Variants in SMIM7 observed in about 807,000 individuals in gnomAD.
The protein encoded by SMIM7 is small integral membrane protein 7.
In SMIM7, 12 loss-of-function variants were observed where a neutral mutation model predicts 13.3. That is an observed-to-expected ratio of 0.90 (90% CI 0.58 to 1.46). SMIM7 has a LOEUF of 1.46. SMIM7 is among the 40% of genes most tolerant of loss of function. The pLI, the probability that SMIM7 is intolerant of heterozygous loss-of-function variation, is 0.00. For synonymous variants in SMIM7, 36 were observed against 35.8 expected, an observed-to-expected ratio of 1.01 and a Z score of -0.02; for missense variants, 114 against 94.8, an observed-to-expected ratio of 1.20 and a Z score of -0.84.
At chr19:16,659,533 C>CT in intron 2 of SMIM7, 86 bp from the exon 3 acceptor site, 1 of 1,395,604 alleles carries the variant, frequency 7.2e-7, no homozygotes, top group Non-Finnish European at 9.9e-7. Context: ...GCCACAAACA[C>CT]TAAGTTTCAG....
At chr19:16,647,735 C>T (rs935864036) in intron 4 of SMIM7, among the ~76,000 whole-genome samples, 1 of 152,038 alleles carries the variant, frequency 6.6e-6, no homozygotes, top group Non-Finnish European at 1.5e-5. Flanking sequence ...GGATTACAGG[C>T]GTGAGCCACT....
At chr19:16,643,626 G>A (rs1441913846), downstream of SMIM7, among the ~76,000 whole-genome samples, 6 of 151,922 alleles carry the variant, frequency 3.9e-5, no homozygotes, top group Non-Finnish European at 8.8e-5. Flanking sequence ...TGAACTCCTG[G>A]CCTCAAGTGA....
chr19:16,647,955 T>C (rs1339143978), intron 4 of SMIM7, among the ~76,000 whole-genome samples: 1 of 152,164 alleles, frequency 6.6e-6, no homozygotes, highest in African/African-American at 2.4e-5. Flanking sequence ...CTTTATGTCA[T>C]ATAAAAAAAT....
At chr19:16,649,344 G>GAT (rs1226720179) in intron 4 of SMIM7, among the ~76,000 whole-genome samples, 1 of 152,120 alleles carries the variant, frequency 6.6e-6, no homozygotes, top group Non-Finnish European at 1.5e-5. Flanking sequence ...TTGGGAGGCC[G>GAT]ATGTGGGTGG....
At chr19:16,659,860 C>G (rs967797252) in intron 2 of SMIM7, 99 bp downstream of exon 2, 6 of 1,491,950 alleles carry the variant, frequency 4.0e-6, no homozygotes, top group African/African-American at 2.8e-5. Context: ...GGGCCTGCGG[C>G]TTGGGGGCGG....
At position 16,646,750 on chromosome 19, in the gene SMIM7, C is replaced by T. The variant is rs2086453411; in HGVS notation, c.*496G>A. ...GTGTCTCTGTTACAGGTGGCCCGTTCCTTAAAGCCTTTAGGGTTAATCGCA... is the reference window on the plus strand; with the variant it reads ...GTGTCTCTGTTACAGGTGGCCCGTTTCTTAAAGCCTTTAGGGTTAATCGCA... On this transcript the variant is annotated 3_prime_UTR_variant, in exon 5 of 5. Transcript: ENST00000487416. The T allele has an allele frequency of 6.0e-6, 1 of 166,170 alleles. No homozygotes were observed. Among genetic ancestry groups the T allele is most frequent in the African/African-American group, 2.4e-5 (1 of 41,690 alleles). 10.3% of individuals were successfully genotyped at this position (166,170 alleles called of 1,614,324 possible).
At chr19:16,650,351 G>A (rs2086508447) in intron 4 of SMIM7, among the ~76,000 whole-genome samples, 1 of 152,178 alleles carries the variant, frequency 6.6e-6, no homozygotes, top group Non-Finnish European at 1.5e-5. Flanking sequence ...ACTCAGGGAC[G>A]TTTCTCCCCT....
At chr19:16,644,278 A>G (rs575292551), downstream of SMIM7, among the ~76,000 whole-genome samples, 4 of 150,304 alleles carry the variant, frequency 2.7e-5, no homozygotes, top group East Asian at 5.9e-4. Context: ...ACGCCACCAC[A>G]CCTGGCTAAT....
At chr19:16,660,053 C>T (rs748254028) in intron 1 of SMIM7, 32 bp downstream of exon 1, 1 of 1,614,200 alleles carries the variant, frequency 6.2e-7, no homozygotes, top group Non-Finnish European at 8.5e-7. Context: ...CTGCCTGGCT[C>T]TCTCTTCCCA....
chr19:16,658,254 C>A (rs2086622381), intron 3 of SMIM7, among the ~76,000 whole-genome samples: 1 of 152,210 alleles, frequency 6.6e-6, no homozygotes, highest in East Asian at 1.9e-4. Flanking sequence ...ATGTGTCCCA[C>A]CCCATGGTAA....
intron 4 of SMIM7, among the ~76,000 whole-genome samples, chr19:16,632,466 T>TTTAA (rs1279470438): frequency 6.6e-6 from 1 of 151,980 alleles, no homozygotes; most frequent in Non-Finnish European, 1.5e-5. Context: ...AATACAATAC[T>TTTAA]TTAATTGCAC....
intron 4 of SMIM7, chr19:16,652,636 G>T: frequency 7.5e-7 from 1 of 1,339,708 alleles, no homozygotes; most frequent in Non-Finnish European, 9.6e-7. Context: ...AATACATCAC[G>T]GTCCTTGTGA....
chr19:16,637,944 A>C (rs1299131031), intron 4 of SMIM7, among the ~76,000 whole-genome samples: 3 of 152,154 alleles, frequency 2.0e-5, no homozygotes, highest in African/African-American at 7.2e-5. Flanking sequence ...AAATAAGGTC[A>C]TAAGGGTGGG....
At chr19:16,657,895 C>T (rs1386657280) in intron 3 of SMIM7, among the ~76,000 whole-genome samples, 2 of 152,142 alleles carry the variant, frequency 1.3e-5, no homozygotes, top group African/African-American at 2.4e-5. Flanking sequence ...ATTAGCCAGG[C>T]GTGGTAGTAA....
chr19:16,638,980 A>G (rs945273825), intron 4 of SMIM7: 2 of 152,216 alleles, frequency 1.3e-5, no homozygotes, highest in African/African-American at 4.8e-5. Flanking sequence ...AATTAGATGT[A>G]AAGCTTTATT....
chr19:16,637,029 A>G (rs1055793933), intron 4 of SMIM7, among the ~76,000 whole-genome samples: 1 of 152,238 alleles, frequency 6.6e-6, no homozygotes, highest in Admixed American at 6.5e-5. Context: ...GCACTGCCCA[A>G]TTAGAACTTT....
intron 4 of SMIM7, among the ~76,000 whole-genome samples, chr19:16,649,868 A>G (rs1386014328): frequency 6.6e-6 from 1 of 152,172 alleles, no homozygotes; most frequent in African/African-American, 2.4e-5. Context: ...GGAGCTAGAC[A>G]CAAAAGGCCA....
rs2086455140 is a variant in SMIM7, at chr19:16,646,874, C to T, written c.*372G>A. 2 of 297,286 alleles carry T rather than the reference C, an allele frequency of 6.7e-6. No homozygotes were observed. Among genetic ancestry groups the T allele is most frequent in the South Asian group, 7.7e-5 (2 of 25,904 alleles). The allele number at this position is 297,286 out of a possible 1,614,324, so 18.4% of individuals were successfully genotyped here. ...AGAGGCTGTCAGACTCAGCAAGTAA[C>T]ACTGAATGTCCAAAAATACGGCTGT... On this transcript the variant is annotated 3_prime_UTR_variant, in exon 5 of 5. Coordinates refer to ENST00000487416, the MANE Select transcript of SMIM7 (RefSeq NM_024104.4).
intron 4 of SMIM7, chr19:16,634,486 T>G (rs2086344426): frequency 6.6e-6 from 1 of 152,088 alleles, no homozygotes; most frequent in African/African-American, 2.4e-5. Context: ...TCAAGAAAAC[T>G]GAAAACATGG....
Sources: allele counts gnomAD v4.1 joint callset (sites outside exome capture counted in the v4.1 genomes callset), GRCh38; gene constraint gnomAD v4.1.1; transcripts MANE v1.5; gene names NCBI Gene and HGNC (gene_info 2026-07-23, HGNC 2026-07-21).